Variants in PRTG observed in about 807,000 individuals in gnomAD.
PRTG encodes the protein protogenin, also known as immunoglobulin superfamily, DCC subclass, member 5.
A neutral mutation model predicts 122.5 loss-of-function variants in PRTG; 67 were observed. That is an observed-to-expected ratio of 0.55 (90% confidence interval 0.45 to 0.67). The LOEUF (loss-of-function observed/expected upper bound fraction) is 0.67. Ranked by LOEUF, PRTG falls within the 30% of genes least tolerant of loss-of-function variation. The pLI is 0.00. For missense variants in PRTG, 1,435 were observed against 1,415.4 expected (o/e 1.01, Z -0.22); for synonymous variants, 554 against 501.1 (o/e 1.11, Z -1.41).
intron 11 of PRTG, among the ~76,000 whole-genome samples, chr15:55,651,350 T>C (rs929027339): frequency 5.9e-5 from 9 of 152,160 alleles, no homozygotes; most frequent in Admixed American, 2.0e-4. Flanking sequence ...AAACATTAGG[T>C]AGTAAATTAA....
chr15:55,737,996 CTCTCTCTATA>C (rs1356162141), intron 2 of PRTG, among the ~76,000 whole-genome samples: 10 of 65,334 alleles, frequency 1.5e-4, no homozygotes, highest in South Asian at 4.2e-4. Flanking sequence ...CTCTCTCTCT[CTCTCTCTATA>C]TATATATATA....
chr15:55,738,527 T>G (rs2031507532), intron 2 of PRTG: 1 of 701,522 alleles, frequency 1.4e-6, no homozygotes, highest in Non-Finnish European at 2.6e-6. Flanking sequence ...TTACAGTTCC[T>G]GAAGATGAAA....
At chr15:55,727,688 C>T (rs552196723) in intron 2 of PRTG, among the ~76,000 whole-genome samples, 1 of 152,086 alleles carries the variant, frequency 6.6e-6, no homozygotes, top group African/African-American at 2.4e-5. Context: ...CCCAGCTACT[C>T]GTGAGGCTGA....
Position 55,679,260 on chromosome 15 carries a change from A to T in PRTG, c.1133+26T>A, listed in dbSNP as rs775078580. The T allele has an allele frequency of 3.9e-6, 6 of 1,531,828 alleles. No individual in the cohort carries two copies. In the Admixed American group the frequency reaches 1.0e-4, roughly 26 times the overall value. The allele number at this position is 1,531,828 out of a possible 1,614,324, so 94.9% of individuals were successfully genotyped here. A position where few individuals can be genotyped will look rare whatever the true frequency, so the allele number is the denominator to read the frequency against. On this transcript the variant is annotated intron_variant, in intron 7 of 19. Transcript: ENST00000389286. Reference sequence around the variant, plus strand: ...ACTAAAGCCATTATATCATATATAAAATGGTAGCAAAGTTACACAGCCTAC... The same window carrying T: ...ACTAAAGCCATTATATCATATATAATATGGTAGCAAAGTTACACAGCCTAC...
At chr15:55,676,092 T>C (rs1423803906) in intron 8 of PRTG, among the ~76,000 whole-genome samples, 1 of 152,112 alleles carries the variant, frequency 6.6e-6, no homozygotes, top group East Asian at 1.9e-4. Context: ...GTAGGGAATG[T>C]AATGGCTCCA....
At chr15:55,738,025 T>C (rs4774810) in intron 2 of PRTG, among the ~76,000 whole-genome samples, 47,654 of 95,428 alleles carry the variant, frequency 0.5, 12,766 homozygotes, top group South Asian at 0.71. Flanking sequence ...TATATATATA[T>C]ACACACACAC....
intron 2 of PRTG, among the ~76,000 whole-genome samples, chr15:55,712,145 CT>C (rs1249907933): frequency 1.3e-5 from 2 of 152,150 alleles, no homozygotes; most frequent in Non-Finnish European, 2.9e-5. Context: ...GCATCCTAGC[CT>C]TTTAAATAAA....
At chr15:55,688,905 C>T (rs975416348) in intron 2 of PRTG, among the ~76,000 whole-genome samples, 5 of 152,156 alleles carry the variant, frequency 3.3e-5, no homozygotes, top group African/African-American at 1.2e-4. Flanking sequence ...TTCTTTCTTC[C>T]AAAGCTGTAT....
At chr15:55,647,622 T>C (rs2059331351) in intron 11 of PRTG, among the ~76,000 whole-genome samples, 2 of 152,232 alleles carry the variant, frequency 1.3e-5, no homozygotes, top group African/African-American at 4.8e-5. Context: ...ATGAAGTACT[T>C]TGTAGAGTTC....
intron 2 of PRTG, among the ~76,000 whole-genome samples, chr15:55,735,653 A>G (rs997858283): frequency 6.6e-6 from 1 of 151,508 alleles, no homozygotes; most frequent in Non-Finnish European, 1.5e-5. Context: ...ACAAAATAAA[A>G]TAAGTACATT....
intron 11 of PRTG, among the ~76,000 whole-genome samples, chr15:55,665,191 T>C (rs912214784): frequency 6.6e-6 from 1 of 151,024 alleles, no homozygotes; most frequent in Admixed American, 6.6e-5. Flanking sequence ...ACCAGGGAGG[T>C]GGAGCTTGCA....
intron 11 of PRTG, among the ~76,000 whole-genome samples, chr15:55,665,943 G>C (rs140344290): frequency 3.9e-4 from 60 of 152,300 alleles, no homozygotes; most frequent in African/African-American, 1.4e-3. Flanking sequence ...CACAAATGAA[G>C]TTTTATTGGA....
intron 2 of PRTG, among the ~76,000 whole-genome samples, chr15:55,721,415 T>C (rs1199935964): frequency 6.6e-6 from 1 of 152,152 alleles, no homozygotes; most frequent in African/African-American, 2.4e-5. Flanking sequence ...GTATAATGAG[T>C]CTTTCCTTGA....
chr15:55,724,903 A>G (rs940863984), intron 2 of PRTG, among the ~76,000 whole-genome samples: 1 of 152,236 alleles, frequency 6.6e-6, no homozygotes, highest in African/African-American at 2.4e-5. Flanking sequence ...GACCTACTCT[A>G]AAACAGATGC....
intron 2 of PRTG, among the ~76,000 whole-genome samples, chr15:55,713,196 T>C (rs1481852712): frequency 6.6e-6 from 1 of 152,252 alleles, no homozygotes; most frequent in Admixed American, 6.5e-5. Flanking sequence ...ACAAACAAAA[T>C]ACTGTTCTGC....
chr15:55,716,781 G>T (rs78147172), intron 2 of PRTG, among the ~76,000 whole-genome samples: 1,602 of 152,104 alleles, frequency 0.011, 20 homozygotes, highest in East Asian at 0.012. Flanking sequence ...CAGCAGCGTG[G>T]AAAAAGCAAC....
At chr15:55,721,394 T>C (rs575249320) in intron 2 of PRTG, among the ~76,000 whole-genome samples, 2 of 152,350 alleles carry the variant, frequency 1.3e-5, no homozygotes, top group East Asian at 1.9e-4. Context: ...TTCGTTAACA[T>C]GGTACATAGT....
chr15:55,706,124 T>C (rs2030103700), intron 2 of PRTG, among the ~76,000 whole-genome samples: 1 of 149,894 alleles, frequency 6.7e-6, no homozygotes, highest in South Asian at 2.1e-4. Flanking sequence ...CCTCCCAAAG[T>C]GTTGGGATTA....
chr15:55,683,859 T>C lies in PRTG; in HGVS notation c.470A>G (p.Lys157Arg), dbSNP rs116205356. Residue 157 changes from lysine to arginine, a missense_variant, in exon 3 of 20, where the codon AAG becomes AGG. Transcript: ENST00000389286. Reference sequence around the variant, plus strand: ...GACTGCAGGAGGGTGGGATGAAATCTTGCATGCAAATCGAGCAACTCCACC... The same window carrying C: ...GACTGCAGGAGGGTGGGATGAAATCCTGCATGCAAATCGAGCAACTCCACC... ...HEGGVARFAC[K>R]ISSHPPAVIT... The C allele has an allele frequency of 1.2e-3, 1,992 of 1,613,972 alleles. 31 individuals are homozygous for C. The African/African-American group carries it at 0.024, about 19-fold the overall frequency.
Sources: allele counts gnomAD v4.1 joint callset (sites outside exome capture counted in the v4.1 genomes callset), GRCh38; gene constraint gnomAD v4.1.1; transcripts MANE v1.5; gene names NCBI Gene and HGNC (gene_info 2026-07-23, HGNC 2026-07-21).